Variants in SNAP25 observed in about 807,000 individuals in gnomAD.
The protein encoded by SNAP25 is synaptosome associated protein 25.
Under a neutral mutation model 28.7 loss-of-function variants are expected in SNAP25, and 3 were observed. The ratio of observed to expected loss-of-function variants is 0.10; its 90% CI spans 0.05 to 0.27. The LOEUF (loss-of-function observed/expected upper bound fraction) is 0.27. Among genes scored for constraint, SNAP25 ranks in the 10% least tolerant of loss-of-function variants. The pLI is 1.00. For synonymous variants in SNAP25, 61 were observed against 88.1 expected, an observed-to-expected ratio of 0.69 and a Z score of 1.72; for missense variants, 117 against 278.7, an observed-to-expected ratio of 0.42 and a Z score of 4.13.
intron 1 of SNAP25, among the ~76,000 whole-genome samples, chr20:10,260,355 T>C (rs912942377): frequency 6.6e-6 from 1 of 152,184 alleles, no homozygotes; most frequent in East Asian, 1.9e-4. Context: ...CAATGAAGTA[T>C]GCATTTTCTG....
chr20:10,252,025 G>A (rs1392393351), intron 1 of SNAP25, among the ~76,000 whole-genome samples: 1 of 152,124 alleles, frequency 6.6e-6, no homozygotes, highest in Non-Finnish European at 1.5e-5. Flanking sequence ...TGGCTGCCAC[G>A]ACCTTCTAGA....
chr20:10,295,634 G>A (rs971319319), intron 5 of SNAP25, among the ~76,000 whole-genome samples: 2 of 152,058 alleles, frequency 1.3e-5, no homozygotes, highest in Non-Finnish European at 2.9e-5. Flanking sequence ...TTTAATAGAT[G>A]GCTGTGGTCC....
chr20:10,271,675 G>C (rs956470821), intron 1 of SNAP25, among the ~76,000 whole-genome samples: 8 of 152,196 alleles, frequency 5.3e-5, no homozygotes, highest in Non-Finnish European at 1.0e-4. Flanking sequence ...TAACAACTTT[G>C]AGAGGAGATT....
At chr20:10,240,682 T>G (rs575855553) in intron 1 of SNAP25, among the ~76,000 whole-genome samples, 4 of 152,268 alleles carry the variant, frequency 2.6e-5, no homozygotes, top group Admixed American at 2.6e-4. Context: ...AACGAACATT[T>G]CTTAGCCGCC....
At chr20:10,269,301 C>T (rs536865489) in intron 1 of SNAP25, among the ~76,000 whole-genome samples, 2 of 152,194 alleles carry the variant, frequency 1.3e-5, no homozygotes, top group African/African-American at 2.4e-5. Flanking sequence ...CCAGTTACTC[C>T]GGAGGCTGAG....
At chr20:10,237,859 G>C (rs1159567615) in intron 1 of SNAP25, among the ~76,000 whole-genome samples, 1 of 152,134 alleles carries the variant, frequency 6.6e-6, no homozygotes, top group Non-Finnish European at 1.5e-5. Flanking sequence ...TAGGTGAGGA[G>C]TATTTTCTCC....
At chr20:10,237,189 G>T (rs2062940041) in intron 1 of SNAP25, among the ~76,000 whole-genome samples, 1 of 152,048 alleles carries the variant, frequency 6.6e-6, no homozygotes, top group Non-Finnish European at 1.5e-5. Context: ...TTTGCCAGCT[G>T]CTGGGGCTCA....
At chr20:10,241,496 A>G (rs1309585626) in intron 1 of SNAP25, among the ~76,000 whole-genome samples, 1 of 152,068 alleles carries the variant, frequency 6.6e-6, no homozygotes, top group Non-Finnish European at 1.5e-5. Flanking sequence ...TTAAATTTTA[A>G]TGGGAAGGGG....
chr20:10,305,726 T>C (rs1300508594), intron 7 of SNAP25, among the ~76,000 whole-genome samples: 1 of 152,260 alleles, frequency 6.6e-6, no homozygotes, highest in Non-Finnish European at 1.5e-5. Context: ...AAATTAGCCA[T>C]GGTTTCAATC....
chr20:10,240,815 C>A (rs1265785103), intron 1 of SNAP25, among the ~76,000 whole-genome samples: 1 of 152,194 alleles, frequency 6.6e-6, no homozygotes, highest in East Asian at 1.9e-4. Context: ...CCAGAGGAGG[C>A]TAGGCTCGCA....
chr20:10,277,396 A>C (rs956650117), intron 2 of SNAP25, among the ~76,000 whole-genome samples: 1 of 152,238 alleles, frequency 6.6e-6, no homozygotes. Flanking sequence ...AGCATGCAAA[A>C]TTATCTTCTC....
intron 1 of SNAP25, among the ~76,000 whole-genome samples, chr20:10,239,375 C>G (rs1478650873): frequency 6.6e-6 from 1 of 152,182 alleles, no homozygotes; most frequent in African/African-American, 2.4e-5. Flanking sequence ...GTAGGAGGAA[C>G]AGAGAGAACG....
intron 1 of SNAP25, among the ~76,000 whole-genome samples, chr20:10,256,903 T>C (rs1457740790): frequency 6.6e-6 from 1 of 152,148 alleles, no homozygotes; most frequent in Non-Finnish European, 1.5e-5. Context: ...TATATGAAAA[T>C]TTTCATAATG....
chr20:10,286,353 T>C (rs961496896), intron 4 of SNAP25, among the ~76,000 whole-genome samples: 5 of 151,970 alleles, frequency 3.3e-5, no homozygotes, highest in Non-Finnish European at 7.4e-5. Context: ...GTTGGGGAAA[T>C]GTCTGTGATA....
intron 1 of SNAP25, among the ~76,000 whole-genome samples, chr20:10,244,556 T>C (rs1272569138): frequency 6.6e-6 from 1 of 152,032 alleles, no homozygotes; most frequent in Admixed American, 6.5e-5. Flanking sequence ...AAGATTTGAA[T>C]GTAGGCAGTT....
At chr20:10,291,793 T>G (rs1351547742) in intron 4 of SNAP25, among the ~76,000 whole-genome samples, 3 of 152,188 alleles carry the variant, frequency 2.0e-5, no homozygotes, top group Non-Finnish European at 2.9e-5. Flanking sequence ...TGCATGAAAA[T>G]ACAGATGAAA....
intron 4 of SNAP25, among the ~76,000 whole-genome samples, chr20:10,288,757 T>C (rs550752656): frequency 6.6e-6 from 1 of 151,688 alleles, no homozygotes; most frequent in South Asian, 2.1e-4. Flanking sequence ...CCCCCGAAAG[T>C]AGGTGGTTTC....
chr20:10,290,029 A>T (rs1321658639), intron 4 of SNAP25, among the ~76,000 whole-genome samples: 1 of 152,034 alleles, frequency 6.6e-6, no homozygotes, highest in African/African-American at 2.4e-5. Context: ...CCCAAGAATA[A>T]ACAGAAATGA....
intron 1 of SNAP25, among the ~76,000 whole-genome samples, chr20:10,226,536 A>G (rs923757455): frequency 6.6e-6 from 1 of 152,060 alleles, no homozygotes; most frequent in Non-Finnish European, 1.5e-5. Flanking sequence ...TCTGCCCTCC[A>G]TGTGTTATGC....
Sources: allele counts gnomAD v4.1 joint callset (sites outside exome capture counted in the v4.1 genomes callset), GRCh38; gene constraint gnomAD v4.1.1; transcripts MANE v1.5; gene names NCBI Gene and HGNC (gene_info 2026-07-23, HGNC 2026-07-21).